The following LIPC variants were observed in gnomAD, a reference collection of about 807,000 sequenced individuals.
The protein encoded by LIPC is hepatic triacylglycerol lipase.
A neutral mutation model predicts 50.7 loss-of-function variants in LIPC; 44 were observed. That is an observed-to-expected ratio of 0.87 (90% confidence interval 0.68 to 1.11). The LOEUF (loss-of-function observed/expected upper bound fraction) is 1.11. LIPC is among the 50% of genes most tolerant of loss of function. The probability of loss-of-function intolerance (pLI) is 0.00; values close to 1 mark genes in which losing one functional copy is unlikely to be tolerated. For synonymous variants in LIPC, 271 were observed against 256.4 expected (o/e 1.06, Z -0.54); for missense variants, 697 against 648.2 (o/e 1.08, Z -0.82).
intron 1 of LIPC, among the ~76,000 whole-genome samples, chr15:58,463,456 T>C (rs1566916097): frequency 6.6e-6 from 1 of 152,182 alleles, no homozygotes; most frequent in East Asian, 1.9e-4. Context: ...CAAGCTGTGC[T>C]ATATCCACAA....
At chr15:58,550,145 C>A (rs759381675) in intron 6 of LIPC, among the ~76,000 whole-genome samples, 2 of 152,136 alleles carry the variant, frequency 1.3e-5, no homozygotes, top group African/African-American at 2.4e-5. Flanking sequence ...CCTGGGGCCT[C>A]CAAAGAGTGA....
chr15:58,464,002 A>G (rs1894447699), intron 1 of LIPC, among the ~76,000 whole-genome samples: 1 of 152,232 alleles, frequency 6.6e-6, no homozygotes, highest in African/African-American at 2.4e-5. Flanking sequence ...GTAATGGATC[A>G]GTAAATAGAA....
At chr15:58,502,684 T>TGGG (rs1333527703) in intron 1 of LIPC, among the ~76,000 whole-genome samples, 25 of 152,250 alleles carry the variant, frequency 1.6e-4, no homozygotes, top group African/African-American at 6.0e-4. Context: ...GTGTGAGAAC[T>TGGG]GGGGGAATAT....
intron 1 of LIPC, among the ~76,000 whole-genome samples, chr15:58,485,568 C>T (rs1265714992): frequency 6.6e-6 from 1 of 152,210 alleles, no homozygotes; most frequent in African/African-American, 2.4e-5. Context: ...ACCTTTCATA[C>T]TGTAAGATTC....
At chr15:58,503,060 T>C (rs1451407421) in intron 1 of LIPC, among the ~76,000 whole-genome samples, 1 of 152,122 alleles carries the variant, frequency 6.6e-6, no homozygotes, top group Non-Finnish European at 1.5e-5. Flanking sequence ...AGGTGCTTTA[T>C]AAATATTAAC....
chr15:58,437,596 C>T (rs1893349146), intron 1 of LIPC, among the ~76,000 whole-genome samples: 1 of 152,074 alleles, frequency 6.6e-6, no homozygotes, highest in African/African-American at 2.4e-5. Flanking sequence ...CCCAAGACGA[C>T]CCCCGGGAAA....
chr15:58,567,212 A>C (rs201028875), intron 8 of LIPC, among the ~76,000 whole-genome samples: 1 of 139,270 alleles, frequency 7.2e-6, no homozygotes, highest in Non-Finnish European at 1.5e-5. Context: ...AAAAAAATAA[A>C]AAATATATAT....
At chr15:58,513,765 C>G (rs78179339) in intron 1 of LIPC, among the ~76,000 whole-genome samples, 1 of 152,310 alleles carries the variant, frequency 6.6e-6, no homozygotes, top group African/African-American at 2.4e-5. Context: ...TGGAGAAACC[C>G]CACGGCAGCT....
At chr15:58,454,282 A>G (rs547381772) in intron 1 of LIPC, 1 of 152,426 alleles carries the variant, frequency 6.6e-6, no homozygotes, top group African/African-American at 2.4e-5. Context: ...GGATTTCCTT[A>G]GGGAAAACAC....
intron 1 of LIPC, among the ~76,000 whole-genome samples, chr15:58,443,764 A>C (rs1893587578): frequency 6.6e-6 from 1 of 152,254 alleles, no homozygotes; most frequent in Non-Finnish European, 1.5e-5. Context: ...GCTGAGTCTG[A>C]AAAAGGAGTC....
chr15:58,460,892 A>G (rs1376494068), intron 1 of LIPC, among the ~76,000 whole-genome samples: 1 of 152,174 alleles, frequency 6.6e-6, no homozygotes, highest in Non-Finnish European at 1.5e-5. Flanking sequence ...CAAGAGGACA[A>G]TGGGCCAGAT....
chr15:58,563,700 C>A lies in LIPC; in HGVS notation c.1365C>A (p.Val455=). ...HSGLVLKTIR[V]KAGETQQRMT... The stretch of plus-strand genomic sequence containing the variant: ...GCCTCGTTCTGAAGACGATCAGAGT[C>A]AAAGCAGGAGAAACCCAGCAAAGGT... The change falls in exon 8 of 9, where the codon GTC becomes GTA. Residue 455 remains valine, a synonymous_variant. Transcript: ENST00000299022. 6.2e-7 allele frequency: 1 copy of A among 1,613,302 alleles called. No homozygotes were observed. Among genetic ancestry groups the A allele is most frequent in the South Asian group, 1.1e-5 (1 of 90,986 alleles).
intron 1 of LIPC, among the ~76,000 whole-genome samples, chr15:58,530,803 C>A (rs576215206): frequency 4.4e-4 from 67 of 152,310 alleles, no homozygotes; most frequent in African/African-American, 1.5e-3. Context: ...TAGCTTTATG[C>A]ATTTTAGATG....
intron 1 of LIPC, among the ~76,000 whole-genome samples, chr15:58,505,919 C>T (rs1253026849): frequency 1.3e-5 from 2 of 150,436 alleles, no homozygotes; most frequent in Non-Finnish European, 3.0e-5. Context: ...AGCCAGTACC[C>T]GCGAGCTCCC....
chr15:58,505,283 C>A (rs1048284412), intron 1 of LIPC, among the ~76,000 whole-genome samples: 4 of 152,236 alleles, frequency 2.6e-5, no homozygotes, highest in Admixed American at 2.6e-4. Flanking sequence ...TCCCAGCCCC[C>A]CTACTCACCA....
At chr15:58,535,180 C>T (rs558090492) in intron 1 of LIPC, among the ~76,000 whole-genome samples, 1 of 152,342 alleles carries the variant, frequency 6.6e-6, no homozygotes, top group East Asian at 1.9e-4. Context: ...TCCGCTGCAA[C>T]ACAGCAACCA....
At chr15:58,434,435 G>T (rs561355140) in intron 1 of LIPC, among the ~76,000 whole-genome samples, 1 of 152,174 alleles carries the variant, frequency 6.6e-6, no homozygotes, top group Non-Finnish European at 1.5e-5. Context: ...TCACCATATG[G>T]TTGAGTAAGC....
intron 1 of LIPC, among the ~76,000 whole-genome samples, chr15:58,524,013 T>C (rs1206741304): frequency 2.0e-5 from 3 of 152,140 alleles, no homozygotes; most frequent in African/African-American, 7.2e-5. Context: ...GAATGTAAAA[T>C]AGAATAGATT....
intron 6 of LIPC, among the ~76,000 whole-genome samples, chr15:58,550,286 A>C (rs1260648871): frequency 1.3e-5 from 2 of 152,194 alleles, no homozygotes; most frequent in African/African-American, 2.4e-5. Flanking sequence ...GTCATTTTTC[A>C]TCTTCCAGGG....
Sources: gnomAD v4.1 joint callset for allele counts (sites outside exome capture counted in the v4.1 genomes callset) on GRCh38, gnomAD v4.1.1 for gene constraint, MANE v1.5 for transcripts, NCBI Gene and HGNC (gene_info 2026-07-23, HGNC 2026-07-21) for gene names.